Variants in ANO6 observed in about 807,000 individuals in gnomAD.
ANO6 encodes anoctamin-6.
ANO6 carries 106 observed loss-of-function variants against 117.5 expected under a neutral mutation model. The ratio of observed to expected loss-of-function variants is 0.90; its 90% CI spans 0.77 to 1.06. The LOEUF is 1.06. Among genes scored for constraint, ANO6 ranks in the 50% least tolerant of loss-of-function variants. The pLI is 0.00. For missense variants in ANO6, 955 were observed against 1,121.1 expected (o/e 0.85, Z 2.12); for synonymous variants, 367 against 385.1 (o/e 0.95, Z 0.55).
intron 1 of ANO6, among the ~76,000 whole-genome samples, chr12:45,289,461 G>C (rs920617868): frequency 6.6e-6 from 1 of 151,986 alleles, no homozygotes. Flanking sequence ...GTGCCCAGCC[G>C]GGTGTGAATA....
intron 1 of ANO6, among the ~76,000 whole-genome samples, chr12:45,282,806 C>T (rs775489670): frequency 6.6e-6 from 1 of 152,138 alleles, no homozygotes; most frequent in Non-Finnish European, 1.5e-5. Flanking sequence ...AAGTTCTAAA[C>T]ATTAGAAAGT....
At chr12:45,275,050 A>T (rs75147932) in intron 1 of ANO6, among the ~76,000 whole-genome samples, 57 of 151,964 alleles carry the variant, frequency 3.8e-4, no homozygotes, top group African/African-American at 1.3e-3. Context: ...CTCTGTAAGG[A>T]CATTGATCCT....
intron 2 of ANO6, among the ~76,000 whole-genome samples, chr12:45,307,999 A>C (rs1381920714): frequency 6.9e-6 from 1 of 145,216 alleles, no homozygotes; most frequent in African/African-American, 2.5e-5. Context: ...AACTGGATAC[A>C]GAGAATTTAG....
At chr12:45,275,319 C>T (rs1938520542) in intron 1 of ANO6, among the ~76,000 whole-genome samples, 1 of 152,098 alleles carries the variant, frequency 6.6e-6, no homozygotes, top group Admixed American at 6.6e-5. Flanking sequence ...CAAGCAGTTC[C>T]CTGCCTCAGC....
At chr12:45,244,669 A>C (rs1191164818) in intron 1 of ANO6, among the ~76,000 whole-genome samples, 1 of 152,080 alleles carries the variant, frequency 6.6e-6, no homozygotes, top group African/African-American at 2.4e-5. Flanking sequence ...CCTAGCTGAC[A>C]CTGCTGCGTT....
chr12:45,304,688 T>A (rs568544614), intron 2 of ANO6, among the ~76,000 whole-genome samples: 2 of 152,328 alleles, frequency 1.3e-5, no homozygotes, highest in African/African-American at 2.4e-5. Context: ...GAAACTAAAA[T>A]GCTTATCATT....
intron 17 of ANO6, 46 bp from the exon 18 acceptor site, chr12:45,421,025 C>CA (rs754906422): frequency 1.9e-6 from 3 of 1,604,460 alleles, no homozygotes; most frequent in African/African-American, 1.3e-5. Context: ...GTCTCAAAAA[C>CA]AAAAAACTAT....
intron 2 of ANO6, among the ~76,000 whole-genome samples, chr12:45,317,109 A>ATGTGTGTGTG (rs1219061656): frequency 7.5e-5 from 3 of 39,944 alleles, no homozygotes. Context: ...GATTCTTTTT[A>ATGTGTGTGTG]TATGTATATA....
chr12:45,412,514 A>G (rs1436575864), intron 16 of ANO6, among the ~76,000 whole-genome samples: 1 of 152,046 alleles, frequency 6.6e-6, no homozygotes, highest in Non-Finnish European at 1.5e-5. Flanking sequence ...TCTTCCTCCT[A>G]TGCTGAACCC....
At chr12:45,232,856 A>G (rs893451368) in intron 1 of ANO6, among the ~76,000 whole-genome samples, 4 of 152,180 alleles carry the variant, frequency 2.6e-5, no homozygotes, top group South Asian at 2.1e-4. Context: ...GTTTAGCATA[A>G]TTATCTTCCT....
intron 1 of ANO6, among the ~76,000 whole-genome samples, chr12:45,299,095 A>G (rs1238341624): frequency 6.6e-6 from 1 of 152,206 alleles, no homozygotes; most frequent in Non-Finnish European, 1.5e-5. Flanking sequence ...CTGTCTTAAT[A>G]CTATAAAAAG....
intron 9 of ANO6, among the ~76,000 whole-genome samples, chr12:45,377,663 A>C (rs2137544504): frequency 6.6e-6 from 1 of 152,314 alleles, no homozygotes; most frequent in South Asian, 2.1e-4. Context: ...ATATATCTAA[A>C]AGTTGCTTAG....
At chr12:45,292,544 G>T in intron 1 of ANO6, 1 of 583,374 alleles carries the variant, frequency 1.7e-6, no homozygotes, top group Non-Finnish European at 2.2e-6. Flanking sequence ...AATCTGATAG[G>T]TTTGCAGTGT....
intron 10 of ANO6, among the ~76,000 whole-genome samples, chr12:45,381,692 G>A (rs759789281): frequency 9.9e-5 from 15 of 152,270 alleles, no homozygotes; most frequent in Middle Eastern, 3.4e-3. Flanking sequence ...ACCAGACTAT[G>A]TCTTGCTTGC....
At chr12:45,349,074 A>C (rs1941218004) in intron 6 of ANO6, among the ~76,000 whole-genome samples, 1 of 152,186 alleles carries the variant, frequency 6.6e-6, no homozygotes, top group African/African-American at 2.4e-5. Flanking sequence ...CATTAAATTA[A>C]TCCAAATGTT....
chr12:45,407,236 G>A (rs970430950), intron 15 of ANO6, among the ~76,000 whole-genome samples: 5 of 152,204 alleles, frequency 3.3e-5, no homozygotes, highest in Admixed American at 1.3e-4. Context: ...AGACGGAAGC[G>A]CCAGCTGACA....
chr12:45,416,835 G>A lies in ANO6; in HGVS notation c.2148G>A (p.Glu716=), dbSNP rs191761559. Residue 716 remains glutamate (E), a synonymous_variant, in exon 17 of 20, where the codon GAG becomes GAA. Transcript: ENST00000320560. ...CCCAGTTTAGACGCCTGGTACCAGA[G>A]AAAGCCCAAGACATTGGAGCATGGC... ...LTTQFRRLVP[E]KAQDIGAWQP... The A allele has an allele frequency of 7.2e-5, 117 of 1,614,056 alleles. No homozygotes were observed. The highest frequency in any genetic ancestry group is 9.7e-5 in the Non-Finnish European group (114 of 1,180,026).
chr12:45,431,698 A>G lies in ANO6; in HGVS notation c.*2387A>G, dbSNP rs1383168320. 2 of 985,330 alleles carry G rather than the reference A, an allele frequency of 2.0e-6. No individual in the cohort carries two copies. The highest frequency in any genetic ancestry group is 1.1e-4 in the East Asian group (1 of 8,822). 61.0% of individuals were successfully genotyped at this position (985,330 alleles called of 1,614,324 possible). On this transcript the variant is annotated 3_prime_UTR_variant, in exon 20 of 20. Transcript: ENST00000320560. ...CTGACTTGCAGTGATAAAGAAAAGC[A>G]TGGAGCTGTGTCTGCAGACAATGGT...
chr12:45,315,177 G>C (rs1258583646), intron 2 of ANO6, among the ~76,000 whole-genome samples: 1 of 152,076 alleles, frequency 6.6e-6, no homozygotes. Flanking sequence ...CCACACATGG[G>C]TATGGAGACA....
Sources: gnomAD v4.1 joint callset for allele counts (sites outside exome capture counted in the v4.1 genomes callset) on GRCh38, gnomAD v4.1.1 for gene constraint, MANE v1.5 for transcripts, NCBI Gene and HGNC (gene_info 2026-07-23, HGNC 2026-07-21) for gene names.